Variants in POMGNT1 observed in about 807,000 individuals in gnomAD.
POMGNT1 encodes the protein protein O-linked-mannose beta-1,2-N-acetylglucosaminyltransferase 1.
POMGNT1 carries 67 observed loss-of-function variants against 95.6 expected under a neutral mutation model. The ratio of observed to expected loss-of-function variants is 0.70; its 90% CI spans 0.58 to 0.86. POMGNT1 has a LOEUF of 0.86. Ranked by LOEUF, POMGNT1 falls within the 40% of genes least tolerant of loss-of-function variation. POMGNT1 has a pLI of 0.00. For synonymous variants in POMGNT1, 298 were observed against 317.9 expected, an observed-to-expected ratio of 0.94 and a Z score of 0.66; for missense variants, 719 against 855.2, an observed-to-expected ratio of 0.84 and a Z score of 1.99.
In POMGNT1 at chr1:46,189,473, G is replaced by A. The variant is rs200143169; in HGVS notation, c.1880C>T (p.Pro627Leu). The change falls in exon 21 of 22, where the codon CCG becomes CTG. Residue 627 changes from proline to leucine, a missense_variant. Coordinates refer to ENST00000371984, the MANE Select transcript of POMGNT1 (RefSeq NM_017739.4). Reference protein sequence around the residue: ...KKNHFLMVGVPASPYSVKKPP... With the variant: ...KKNHFLMVGVLASPYSVKKPP... Reference sequence around the variant, plus strand: ...GGTCACTCACGAGTAGGGGGAAGCCGGGACCCCCACCATCAGGAAGTGGTT... The same window carrying A: ...GGTCACTCACGAGTAGGGGGAAGCCAGGACCCCCACCATCAGGAAGTGGTT... 31 of 1,613,554 alleles carry A rather than the reference G, an allele frequency of 1.9e-5. No individual in the cohort carries two copies. Among genetic ancestry groups the A allele is most frequent in the Middle Eastern group, 3.3e-4 (2 of 6,062 alleles).
At chr1:46,190,024 G>GTGTGTCCCTT (rs1557669512) in intron 19 of POMGNT1, 35 bp from the exon 20 acceptor site, 1 of 1,612,582 alleles carries the variant, frequency 6.2e-7, no homozygotes, top group East Asian at 2.2e-5. Flanking sequence ...AGCCAAGACA[G>GTGTGTCCCTT]GGCCCACTTC....
chr1:46,208,063 T>C (rs1658775252), intron 1 of POMGNT1, among the ~76,000 whole-genome samples: 1 of 151,990 alleles, frequency 6.6e-6, no homozygotes, highest in African/African-American at 2.4e-5. Context: ...TTTCACCACG[T>C]TGGCCAGGCT....
chr1:46,195,646 T>C (rs1015707846), intron 6 of POMGNT1, 165 bp downstream of exon 6: 1 of 738,530 alleles, frequency 1.4e-6, no homozygotes, highest in Non-Finnish European at 2.4e-6. Context: ...TGTTGCTCAA[T>C]AACTATTTGC....
chr1:46,205,707 G>A (rs947426161), intron 1 of POMGNT1, among the ~76,000 whole-genome samples: 16 of 152,314 alleles, frequency 1.1e-4, no homozygotes, highest in Admixed American at 7.8e-4. Context: ...GGGCACAAGG[G>A]AGGGAGCCTT....
In POMGNT1 at chr1:46,197,842, A is replaced by T; in HGVS notation, c.-21T>A. 1.2e-6 allele frequency: 2 copies of T among 1,613,454 alleles called. No homozygotes were observed. On this transcript the variant is annotated 5_prime_UTR_variant, in exon 2 of 22. It adds an upstream start codon to the 5' untranslated region. Coordinates refer to ENST00000371984, the MANE Select transcript of POMGNT1 (RefSeq NM_017739.4). Reference sequence around the variant, plus strand: ...TCCATACCGGATTGGCGGGTCACCAATGTCCTGGCCAGCCCATGACTTCAG... The same window carrying T: ...TCCATACCGGATTGGCGGGTCACCATTGTCCTGGCCAGCCCATGACTTCAG...
intron 1 of POMGNT1, among the ~76,000 whole-genome samples, chr1:46,209,537 C>CTTTTTTTTTTTTTTTTTTTTTTT (rs55948355): frequency 7.2e-6 from 1 of 139,822 alleles, no homozygotes; most frequent in Non-Finnish European, 1.5e-5. Flanking sequence ...TTGTTGTTTT[C>CTTTTTTTTTTTTTTTTTTTTTTT]TTTTTTTTTT....
rs572557598 is a variant in POMGNT1, at chr1:46,196,436, C to T, written c.354+295G>A. On this transcript the variant is annotated intron_variant, in intron 4 of 21. Coordinates refer to ENST00000371984, the MANE Select transcript of POMGNT1 (RefSeq NM_017739.4). This position sits in a 1 kb window ranked among gnomAD's most constrained non-coding sequence, Gnocchi z 4.4. The stretch of plus-strand genomic sequence containing the variant: ...CCCAGTGCCCAGCACAAGGCTGAGG[C>T]CAAAGAAAGGACCAGGGGATGGTTA... Among the ~76,000 whole-genome samples, 2 of 152,312 alleles carry T rather than the reference C, an allele frequency of 1.3e-5. No homozygotes were observed. The highest frequency in any genetic ancestry group is 4.1e-4 in the South Asian group (2 of 4,824).
intron 1 of POMGNT1, among the ~76,000 whole-genome samples, chr1:46,209,537 C>CTTTTTT (rs55948355): frequency 7.2e-6 from 1 of 139,820 alleles, no homozygotes; most frequent in Non-Finnish European, 1.5e-5. Context: ...TTGTTGTTTT[C>CTTTTTT]TTTTTTTTTT....
chr1:46,202,906 T>TGGTG (rs1553164803), upstream of POMGNT1, among the ~76,000 whole-genome samples: 2 of 7,572 alleles, frequency 2.6e-4, 1 homozygote, highest in Non-Finnish European at 7.6e-4. Flanking sequence ...TTCTAGCCCC[T>TGGTG]GGGGGGGGGG....
rs1329059487 is a variant in POMGNT1, at chr1:46,219,416, G to A, written c.-51+289C>T. Among the ~76,000 whole-genome samples, 5 of 152,084 alleles carry A rather than the reference G, an allele frequency of 3.3e-5. No individual in the cohort carries two copies. The East Asian group carries it at 9.6e-4, about 29-fold the overall frequency. Reference sequence around the variant, plus strand: ...TAGGCACTGTGCTGAGTACTTAATAGACAGCATTTCAGAATCCTCACAGCT... The same window carrying A: ...TAGGCACTGTGCTGAGTACTTAATAAACAGCATTTCAGAATCCTCACAGCT... On this transcript the variant is annotated intron_variant, in intron 1 of 22. Coordinates refer to the POMGNT1 transcript ENST00000371992.
chr1:46,203,904 G>T (rs1267059998), intron 1 of POMGNT1, among the ~76,000 whole-genome samples: 1 of 152,096 alleles, frequency 6.6e-6, no homozygotes, highest in Admixed American at 6.6e-5. Context: ...GGAGGAGAGA[G>T]ATGAGGACTG....
In POMGNT1 at chr1:46,197,751, G is replaced by T; in HGVS notation, c.71C>A (p.Thr24Asn). ...GARKKRSWYL[T>N]WKYKLTNQRA... ...CTGGTTTGTCAGTTTATACTTCCAG[G>T]TAAGGTACCAGCTCCGCTTCTTCCG... The change falls in exon 2 of 22, where the codon ACC (threonine) becomes AAC (asparagine). Residue 24 changes from threonine to asparagine, a missense_variant. Thr to Asn is a moderately conservative substitution (Grantham distance 65). Coordinates refer to ENST00000371984, the MANE Select transcript of POMGNT1 (RefSeq NM_017739.4). 6.2e-7 allele frequency: 1 copy of T among 1,614,144 alleles called. No homozygotes were observed. Among genetic ancestry groups the T allele is most frequent in the Non-Finnish European group, 8.5e-7 (1 of 1,180,012 alleles).
At chr1:46,208,236 G>A (rs979716313) in intron 1 of POMGNT1, among the ~76,000 whole-genome samples, 6 of 152,014 alleles carry the variant, frequency 3.9e-5, no homozygotes, top group African/African-American at 1.2e-4. Flanking sequence ...CAAGCAGTCC[G>A]TTTGTGTCAG....
chr1:46,198,783 A>G (rs1296720908), upstream of POMGNT1, among the ~76,000 whole-genome samples: 3 of 152,194 alleles, frequency 2.0e-5, no homozygotes, highest in African/African-American at 7.2e-5. Flanking sequence ...CACCCGCCCC[A>G]TACCCGTCCT....
rs777911698 is a variant in POMGNT1, at chr1:46,193,579, A to G, written c.1011T>C (p.Ile337=). ...TCCTGCTCACCTCATAGTAGCCGTC[A>G]ATGAAAACTGTTATCATCTGAGGAG... ...GVSPQMITVF[I]DGYYEEPMDV... Residue 337 remains isoleucine, a synonymous_variant, in exon 11 of 22, where the codon ATT becomes ATC. Coordinates refer to ENST00000371984, the MANE Select transcript of POMGNT1 (RefSeq NM_017739.4). The G allele has an allele frequency of 7.4e-6, 12 of 1,614,192 alleles. No individual in the cohort carries two copies. Among genetic ancestry groups the G allele is most frequent in the Admixed American group, 3.3e-5 (2 of 60,022 alleles).
At chr1:46,189,410 G>A (rs1400692947) in intron 21 of POMGNT1, 48 bp downstream of exon 21, 2 of 1,613,668 alleles carry the variant, frequency 1.2e-6, no homozygotes, top group African/African-American at 2.7e-5. Flanking sequence ...CTATATCCCT[G>A]GATCTCACTA....
At chr1:46,219,702 T>A in intron 1 of POMGNT1, 1 of 1,583,416 alleles carries the variant, frequency 6.3e-7, no homozygotes, top group Non-Finnish European at 8.6e-7. Flanking sequence ...CCCCCAGGCT[T>A]ACCTGCGAGC....
chr1:46,198,533 C>CGGCGGCGGT (rs966546165), upstream of POMGNT1: 2,954 of 150,520 alleles, frequency 0.02, 36 homozygotes, highest in African/African-American at 0.026. Context: ...GCGGCGGCGG[C>CGGCGGCGGT]GGCGGCGGTG....
chr1:46,219,113 A>G (rs562470598), intron 1 of POMGNT1, among the ~76,000 whole-genome samples: 1 of 152,128 alleles, frequency 6.6e-6, no homozygotes, highest in East Asian at 1.9e-4. Flanking sequence ...CCTGACCAAC[A>G]TGGTGAAACC....
Sources: gnomAD v4.1 joint callset for allele counts (sites outside exome capture counted in the v4.1 genomes callset) on GRCh38, gnomAD v4.1.1 for gene constraint, Gnocchi (gnomAD v3.1) non-coding constraint, MANE v1.5 for transcripts, NCBI Gene and HGNC (gene_info 2026-07-23, HGNC 2026-07-21) for gene names.